TTF2: variants seen among roughly 807,000 people sequenced by gnomAD.
The protein encoded by TTF2 is transcription termination factor 2.
TTF2 carries 108 observed loss-of-function variants against 142.4 expected under a neutral mutation model. The ratio of observed to expected loss-of-function variants is 0.76; its 90% CI spans 0.65 to 0.89. The LOEUF (loss-of-function observed/expected upper bound fraction) is 0.89. Ranked by LOEUF, TTF2 falls within the 40% of genes least tolerant of loss-of-function variation. The probability of loss-of-function intolerance (pLI) is 0.00; values close to 1 mark genes in which losing one functional copy is unlikely to be tolerated. For missense variants in TTF2, 1,327 were observed against 1,379.8 expected, an observed-to-expected ratio of 0.96 and a Z score of 0.61; for synonymous variants, 483 against 506.2, an observed-to-expected ratio of 0.95 and a Z score of 0.61.
In TTF2 at chr1:117,075,415, A is replaced by G. The variant is rs975667024; in HGVS notation, c.831A>G (p.Lys277=). 34 of 1,614,048 alleles carry G rather than the reference A, an allele frequency of 2.1e-5. No individual in the cohort carries two copies. In the East Asian group the frequency reaches 2.5e-4, roughly 12 times the overall value. The change falls in exon 5 of 23, where the codon AAA becomes AAG. Residue 277 remains lysine (K), a synonymous_variant. Coordinates refer to ENST00000369466, the MANE Select transcript of TTF2 (RefSeq NM_003594.4). The surrounding 1 kb of genome is among the most constrained non-coding windows in gnomAD (Gnocchi z 4.5). ...HSHNSISKPQ[K]GGPLNKEYTN... is the part of the protein sequence containing the mutation. ...ACAACTCAATAAGCAAGCCCCAGAA[A>G]GGGGGACCCCTCAACAAGGAGTACA...
At position 117,076,857 on chromosome 1, in the gene TTF2, G is replaced by A. The variant is rs778324075; in HGVS notation, c.1573+34G>A. 10 of 1,573,038 alleles carry A rather than the reference G, an allele frequency of 6.4e-6. No individual in the cohort carries two copies. Among genetic ancestry groups the A allele is most frequent in the Non-Finnish European group, 8.6e-6 (10 of 1,157,902 alleles). Reference sequence around the variant, plus strand: ...CAAGGGCCTGACCCTGCTGTGAATAGCCACCCCTGTGAGTTACGTGCCACC... The same window carrying A: ...CAAGGGCCTGACCCTGCTGTGAATAACCACCCCTGTGAGTTACGTGCCACC... On this transcript the variant is annotated intron_variant, in intron 7 of 22. Transcript: ENST00000369466. This position sits in a 1 kb window ranked among gnomAD's most constrained non-coding sequence, Gnocchi z 4.6.
At position 117,092,394 on chromosome 1, in the gene TTF2, G is replaced by A. The variant is rs771191115; in HGVS notation, c.2806-337G>A. Among the ~76,000 whole-genome samples the A allele has an allele frequency of 6.6e-6, 1 of 152,054 alleles. No homozygotes were observed. Among genetic ancestry groups the A allele is most frequent in the Non-Finnish European group, 1.5e-5 (1 of 68,012 alleles). Reference sequence around the variant, plus strand: ...AAAGTTGCCCCTACCTTGGATAGAGGCACATCCAAAATTAAGAGGAGTATT... The same window carrying A: ...AAAGTTGCCCCTACCTTGGATAGAGACACATCCAAAATTAAGAGGAGTATT... On this transcript the variant is annotated intron_variant, in intron 17 of 22. Coordinates refer to ENST00000369466, the MANE Select transcript of TTF2 (RefSeq NM_003594.4). The surrounding 1 kb of genome is among the most constrained non-coding windows in gnomAD (Gnocchi z 4.4).
rs948202000 is a variant in TTF2, at chr1:117,085,710, G to C, written c.2055-707G>C. Among the ~76,000 whole-genome samples the C allele has an allele frequency of 1.3e-5, 2 of 151,758 alleles. No individual in the cohort carries two copies. The highest frequency in any genetic ancestry group is 3.9e-4 in the East Asian group (2 of 5,174). On this transcript the variant is annotated intron_variant, in intron 11 of 22. Coordinates refer to ENST00000369466, the MANE Select transcript of TTF2 (RefSeq NM_003594.4). The surrounding 1 kb of genome is among the most constrained non-coding windows in gnomAD (Gnocchi z 4.7). ...TTTTATTTACTTTTGAGACAGGATA[G>C]AGTGAGACCCTACCTTGTCTCAAAA...
chr1:117,073,385 G>GT lies in TTF2; in HGVS notation c.219-273dup, dbSNP rs766087400. On this transcript the variant is annotated intron_variant, in intron 3 of 22. Transcript: ENST00000369466. The surrounding 1 kb of genome is among the most constrained non-coding windows in gnomAD (Gnocchi z 4.4). ...ATTTTAGTAGCCATTGCTGATCAGT[G>GT]TTTCTATTTCAGTCATTCGTTACAG... Among the ~76,000 whole-genome samples the GT allele has an allele frequency of 1.3e-5, 2 of 152,238 alleles. No homozygotes were observed. Among genetic ancestry groups the GT allele is most frequent in the East Asian group, 3.9e-4 (2 of 5,188 alleles).
rs1656993261 is a variant in TTF2, at chr1:117,076,171, G to T, written c.1276-9G>T. On this transcript the variant is annotated splice_polypyrimidine_tract_variant and intron_variant, in intron 5 of 22. Coordinates refer to ENST00000369466, the MANE Select transcript of TTF2 (RefSeq NM_003594.4). This position sits in a 1 kb window ranked among gnomAD's most constrained non-coding sequence, Gnocchi z 4.6. ...AGGAGAGATCCATTTGATGGAATCTGTTTTTCAGAGCACACTGGCATCAGT... is the reference window on the plus strand; with the variant it reads ...AGGAGAGATCCATTTGATGGAATCTTTTTTTCAGAGCACACTGGCATCAGT... 6.2e-7 allele frequency: 1 copy of T among 1,612,420 alleles called. No homozygotes were observed. The highest frequency in any genetic ancestry group is 8.5e-7 in the Non-Finnish European group (1 of 1,178,744).
chr1:117,074,637 C>G (rs1656839671), intron 4 of TTF2, among the ~76,000 whole-genome samples: 1 of 151,452 alleles, frequency 6.6e-6, no homozygotes, highest in Non-Finnish European at 1.5e-5. Context: ...CATTGAGCAC[C>G]CATAAACATG....
rs1649801548 is a variant in TTF2 at position 117,104,340 on chromosome 1, A to G, written c.*2816A>G. On this transcript the variant is annotated 3_prime_UTR_variant, in exon 23 of 23. Coordinates refer to ENST00000369466, the MANE Select transcript of TTF2 (RefSeq NM_003594.4). Reference sequence around the variant, plus strand: ...TATATATACTACAACATGGTTGACCAGATAGATCAGTAATGTCAACTAGAA... The same window carrying G: ...TATATATACTACAACATGGTTGACCGGATAGATCAGTAATGTCAACTAGAA... The G allele has an allele frequency of 6.6e-6, 1 of 152,256 alleles. No individual in the cohort carries two copies. Among genetic ancestry groups the G allele is most frequent in the African/African-American group, 2.4e-5 (1 of 41,470 alleles). 9.4% of individuals were successfully genotyped at this position (152,256 alleles called of 1,614,324 possible). A position where few individuals can be genotyped will look rare whatever the true frequency, so the allele number is the denominator to read the frequency against.
rs1649412313 is a variant in TTF2, at chr1:117,099,476, A to C, written c.3344+569A>C. On this transcript the variant is annotated intron_variant, in intron 22 of 22. Transcript: ENST00000369466. This position sits in a 1 kb window ranked among gnomAD's most constrained non-coding sequence, Gnocchi z 4.3. ...CTCACTTGTCTCAGTGATGTCCTTC[A>C]CAGCAAAAAAGAATCCCAGATCCTG... Among the ~76,000 whole-genome samples the C allele has an allele frequency of 6.6e-6, 1 of 152,186 alleles. No homozygotes were observed.
At chr1:117,078,390 A>G (rs1011013671) in intron 8 of TTF2, among the ~76,000 whole-genome samples, 1 of 152,232 alleles carries the variant, frequency 6.6e-6, no homozygotes, top group African/African-American at 2.4e-5. Flanking sequence ...TAAGGCAGAA[A>G]TAAGGGGTGC....
At position 117,101,612 on chromosome 1, in the gene TTF2, T is replaced by C; in HGVS notation, c.*88T>C. The C allele has an allele frequency of 7.5e-7, 1 of 1,329,638 alleles. No individual in the cohort carries two copies. Among genetic ancestry groups the C allele is most frequent in the Non-Finnish European group, 9.8e-7 (1 of 1,018,834 alleles). The allele number at this position is 1,329,638 out of a possible 1,614,324, so 82.4% of individuals were successfully genotyped here. On this transcript the variant is annotated 3_prime_UTR_variant, in exon 23 of 23. Coordinates refer to ENST00000369466, the MANE Select transcript of TTF2 (RefSeq NM_003594.4). The surrounding 1 kb of genome is among the most constrained non-coding windows in gnomAD (Gnocchi z 5.9). ...CAACCTAACCATGAGCCTTGAACTC[T>C]GTTCTTTGCATTTCAATTTCACCGT...
In TTF2 at chr1:117,092,738, A is replaced by G; in HGVS notation, c.2813A>G (p.Asp938Gly). 2 of 1,613,954 alleles carry G rather than the reference A, an allele frequency of 1.2e-6. No homozygotes were observed. Among genetic ancestry groups the G allele is most frequent in the Non-Finnish European group, 1.7e-6 (2 of 1,179,976 alleles). The change falls in exon 18 of 23, where the codon GAT (aspartate) becomes GGT (glycine). Residue 938 changes from aspartate (D) to glycine (G), a missense_variant. Coordinates refer to ENST00000369466, the MANE Select transcript of TTF2 (RefSeq NM_003594.4). The surrounding 1 kb of genome is among the most constrained non-coding windows in gnomAD (Gnocchi z 4.4). ...CHLSLLKSAL[D>G]PMELKGEGLV... ...CCTTTTTTGTCTGTTCAGGCCCTGG[A>G]TCCAATGGAACTGAAGGGTGAAGGT...
rs1178828979 is a variant in TTF2 at position 117,103,687 on chromosome 1, G to A, written c.*2163G>A. The A allele has an allele frequency of 6.6e-6, 1 of 152,254 alleles. No individual in the cohort carries two copies. Among genetic ancestry groups the A allele is most frequent in the Non-Finnish European group, 1.5e-5 (1 of 68,084 alleles). The allele number at this position is 152,254 out of a possible 1,614,324, so 9.4% of individuals were successfully genotyped here. ...TTGAAAAAATTGGCCGGGTGCAGTGGCTCAGGCCTGTCATCCCAGCACTTT... is the reference window on the plus strand; with the variant it reads ...TTGAAAAAATTGGCCGGGTGCAGTGACTCAGGCCTGTCATCCCAGCACTTT... On this transcript the variant is annotated 3_prime_UTR_variant, in exon 23 of 23. Transcript: ENST00000369466.
rs1352932639 is a variant in TTF2 at position 117,085,475 on chromosome 1, C to T, written c.2055-942C>T. 2.0e-5 allele frequency among the ~76,000 whole-genome samples: 3 copies of T among 152,020 alleles called. No individual in the cohort carries two copies. Among genetic ancestry groups the T allele is most frequent in the Non-Finnish European group, 4.4e-5 (3 of 68,010 alleles). On this transcript the variant is annotated intron_variant, in intron 11 of 22. Coordinates refer to ENST00000369466, the MANE Select transcript of TTF2 (RefSeq NM_003594.4). This position sits in a 1 kb window ranked among gnomAD's most constrained non-coding sequence, Gnocchi z 4.7. ...GGCTGAGGTGGGAGAATCGCTTGAG[C>T]CTGGAAGGTGGAGGTTGCAGTGAGC...
Position 117,075,683 on chromosome 1 carries a change from G to A in TTF2, c.1099G>A (p.Gly367Arg). ...DDVVFVSSKPGSPLLFDSTLD... is the reference protein window; with the variant it reads ...DDVVFVSSKPRSPLLFDSTLD... ...TGTTGTTTTTGTTTCCTCTAAGCCT[G>A]GGAGCCCCCTACTCTTTGACTCGAC... Residue 367 changes from glycine (G) to arginine (R), a missense_variant, in exon 5 of 23, where the codon GGG becomes AGG. Transcript: ENST00000369466. This position sits in a 1 kb window ranked among gnomAD's most constrained non-coding sequence, Gnocchi z 4.5. 1 of 1,614,150 alleles carries A rather than the reference G, an allele frequency of 6.2e-7. No individual in the cohort carries two copies. The highest frequency in any genetic ancestry group is 8.5e-7 in the Non-Finnish European group (1 of 1,180,022).
At chr1:117,098,038 G>GT (rs1649308535) in intron 21 of TTF2, among the ~76,000 whole-genome samples, 1 of 152,176 alleles carries the variant, frequency 6.6e-6, no homozygotes, top group Non-Finnish European at 1.5e-5. Context: ...ATCAAGGATT[G>GT]CTGCTGGGGA....
chr1:117,088,930 G>C lies in TTF2; in HGVS notation c.2290G>C (p.Val764Leu). 1 of 1,613,516 alleles carries C rather than the reference G, an allele frequency of 6.2e-7. No homozygotes were observed. The highest frequency in any genetic ancestry group is 8.5e-7 in the Non-Finnish European group (1 of 1,179,810). ...CKLQACARWA[V>L]TGTPIQNNLL... is the part of the protein sequence containing the mutation. ...GCTACAAGCCTGTGCCCGTTGGGCTGTCACTGGAACCCCCATTCAAAACAA... is the reference window on the plus strand; with the variant it reads ...GCTACAAGCCTGTGCCCGTTGGGCTCTCACTGGAACCCCCATTCAAAACAA... Residue 764 changes from valine to leucine, a missense_variant, in exon 13 of 23, where the codon GTC becomes CTC. Transcript: ENST00000369466.
In TTF2 at chr1:117,076,623, C is replaced by T. The variant is rs1287027593; in HGVS notation, c.1391-18C>T. 1 of 1,594,966 alleles carries T rather than the reference C, an allele frequency of 6.3e-7. No homozygotes were observed. The highest frequency in any genetic ancestry group is 2.2e-5 in the East Asian group (1 of 44,712). Reference sequence around the variant, plus strand: ...GTTTGCTGAACTTTAATCTGCTCTTCCCTTGTTTTCTGAGCAGGAACTAAT... The same window carrying T: ...GTTTGCTGAACTTTAATCTGCTCTTTCCTTGTTTTCTGAGCAGGAACTAAT... On this transcript the variant is annotated intron_variant, in intron 6 of 22. Coordinates refer to ENST00000369466, the MANE Select transcript of TTF2 (RefSeq NM_003594.4). The surrounding 1 kb of genome is among the most constrained non-coding windows in gnomAD (Gnocchi z 4.6).
chr1:117,075,809 G>A lies in TTF2; in HGVS notation c.1225G>A (p.Asp409Asn). Residue 409 changes from aspartate (D) to asparagine (N), a missense_variant, in exon 5 of 23, where the codon GAC (aspartate) becomes AAC (asparagine). Coordinates refer to ENST00000369466, the MANE Select transcript of TTF2 (RefSeq NM_003594.4). The surrounding 1 kb of genome is among the most constrained non-coding windows in gnomAD (Gnocchi z 4.5). Reference sequence around the variant, plus strand: ...TGTTTCCAAGAAGGTAGAACCCTCAGACCCAGTAGCCCGGCGTGTCTACCT... The same window carrying A: ...TGTTTCCAAGAAGGTAGAACCCTCAAACCCAGTAGCCCGGCGTGTCTACCT... ...SGVSKKVEPS[D>N]PVARRVYLTT... 6.2e-7 allele frequency: 1 copy of A among 1,613,942 alleles called. No homozygotes were observed. Among genetic ancestry groups the A allele is most frequent in the Non-Finnish European group, 8.5e-7 (1 of 1,179,952 alleles).
intron 3 of TTF2, among the ~76,000 whole-genome samples, chr1:117,068,381 C>T (rs528001857): frequency 2.0e-5 from 3 of 151,956 alleles, no homozygotes; most frequent in African/African-American, 4.8e-5. Context: ...ACATCACATA[C>T]TGGGGCCTGT....
Sources: allele counts gnomAD v4.1 joint callset (sites outside exome capture counted in the v4.1 genomes callset), GRCh38; gene constraint gnomAD v4.1.1; non-coding constraint Gnocchi (gnomAD v3.1); transcripts MANE v1.5; gene names NCBI Gene and HGNC (gene_info 2026-07-23, HGNC 2026-07-21).